ZCCHC7: variants seen among roughly 807,000 people sequenced by gnomAD.
ZCCHC7 encodes zinc finger CCHC-type containing 7.
A neutral mutation model predicts 52.0 loss-of-function variants in ZCCHC7; 35 were observed. The observed-to-expected ratio is 0.67, with a 90% CI of 0.51 to 0.89. The LOEUF is 0.89. ZCCHC7 is among the 40% of genes least tolerant of loss of function. The probability of loss-of-function intolerance (pLI) is 0.00; values close to 1 mark genes in which losing one functional copy is unlikely to be tolerated. For synonymous variants in ZCCHC7, 217 were observed against 221.5 expected (o/e 0.98, Z 0.18); for missense variants, 574 against 649.1 (o/e 0.88, Z 1.26).
intron 8 of ZCCHC7, among the ~76,000 whole-genome samples, chr9:37,356,099 TG>T (rs1471134469): frequency 6.6e-6 from 1 of 152,220 alleles, no homozygotes; most frequent in Non-Finnish European, 1.5e-5. Context: ...TATGATCCTT[TG>T]AAATTTTTAT....
intron 2 of ZCCHC7, among the ~76,000 whole-genome samples, chr9:37,207,967 A>G (rs1242995799): frequency 1.3e-5 from 2 of 152,126 alleles, no homozygotes; most frequent in African/African-American, 4.8e-5. Flanking sequence ...AGTTTTTGTT[A>G]AGTAAATTAG....
chr9:37,248,686 T>C (rs1268076178), intron 2 of ZCCHC7, among the ~76,000 whole-genome samples: 2 of 152,200 alleles, frequency 1.3e-5, no homozygotes, highest in Admixed American at 1.3e-4. Context: ...GAAGACACCA[T>C]GATGAAATTG....
At chr9:37,251,464 C>T (rs1826324539) in intron 2 of ZCCHC7, among the ~76,000 whole-genome samples, 1 of 152,152 alleles carries the variant, frequency 6.6e-6, no homozygotes, top group African/African-American at 2.4e-5. Flanking sequence ...TACCTCTCCC[C>T]TCCCCCAAAA....
intron 2 of ZCCHC7, among the ~76,000 whole-genome samples, chr9:37,167,431 A>G (rs1269969252): frequency 1.3e-5 from 2 of 151,988 alleles, no homozygotes; most frequent in East Asian, 3.9e-4. Context: ...TCTTTCTAAT[A>G]TCTTCCATGT....
chr9:37,196,703 CTG>C (rs1370964642), intron 2 of ZCCHC7, among the ~76,000 whole-genome samples: 1 of 151,940 alleles, frequency 6.6e-6, no homozygotes, highest in East Asian at 1.9e-4. Context: ...ACTTTTTGCC[CTG>C]TGTTCATTTT....
chr9:37,161,868 G>T (rs1435987209), intron 2 of ZCCHC7, among the ~76,000 whole-genome samples: 1 of 152,198 alleles, frequency 6.6e-6, no homozygotes, highest in Non-Finnish European at 1.5e-5. Context: ...TTCTTGAGCT[G>T]TAACAGGTGG....
intron 2 of ZCCHC7, among the ~76,000 whole-genome samples, chr9:37,170,962 G>A (rs774476813): frequency 2.0e-5 from 3 of 151,996 alleles, no homozygotes; most frequent in Non-Finnish European, 2.9e-5. Context: ...GAAAAACCAG[G>A]GAGTTTTTTT....
At chr9:37,331,173 A>G (rs542666331) in intron 6 of ZCCHC7, among the ~76,000 whole-genome samples, 2 of 151,590 alleles carry the variant, frequency 1.3e-5, no homozygotes, top group Non-Finnish European at 3.0e-5. Context: ...TTTATATATA[A>G]TGTTTTGAAT....
intron 2 of ZCCHC7, among the ~76,000 whole-genome samples, chr9:37,130,942 TTTACTA>T (rs1425227654): frequency 6.6e-6 from 1 of 152,202 alleles, no homozygotes; most frequent in Non-Finnish European, 1.5e-5. Context: ...ATATTTTACA[TTTACTA>T]TTACTAAATT....
At chr9:37,296,142 A>G (rs1408945160) in intron 2 of ZCCHC7, among the ~76,000 whole-genome samples, 1 of 152,246 alleles carries the variant, frequency 6.6e-6, no homozygotes, top group Non-Finnish European at 1.5e-5. Flanking sequence ...AAAGATATTC[A>G]AAGTTTGCAA....
intron 2 of ZCCHC7, among the ~76,000 whole-genome samples, chr9:37,230,006 A>C (rs1437593758): frequency 6.6e-6 from 1 of 152,196 alleles, no homozygotes; most frequent in Admixed American, 6.5e-5. Context: ...TAATAGGATC[A>C]GGATCGTTAA....
chr9:37,292,424 A>G (rs1828584264), intron 2 of ZCCHC7, among the ~76,000 whole-genome samples: 2 of 152,226 alleles, frequency 1.3e-5, no homozygotes, highest in African/African-American at 2.4e-5. Context: ...CTAAACTGCT[A>G]TTAAATTCAG....
chr9:37,224,203 CT>C (rs1396403818), intron 2 of ZCCHC7, among the ~76,000 whole-genome samples: 1 of 152,092 alleles, frequency 6.6e-6, no homozygotes, highest in Non-Finnish European at 1.5e-5. Context: ...TCAGGTTAAA[CT>C]TACAAAATCA....
At chr9:37,247,432 G>A (rs898295700) in intron 2 of ZCCHC7, among the ~76,000 whole-genome samples, 2 of 152,148 alleles carry the variant, frequency 1.3e-5, no homozygotes, top group Non-Finnish European at 2.9e-5. Context: ...AGTGTTCTTA[G>A]ACAGGAATTA....
rs1339993447 is a variant in ZCCHC7, at chr9:37,305,446, A to G, written c.781-98A>G. ...GGATTCTACCTTTATTGGGATCTCA[A>G]ATTAGAAAAGATTTTTTTATGGGAT... On this transcript the variant is annotated intron_variant, in intron 4 of 8. Coordinates refer to ENST00000336755, the MANE Select transcript of ZCCHC7 (RefSeq NM_032226.3). 7.6e-6 allele frequency: 11 copies of G among 1,442,628 alleles called. No homozygotes were observed. The Admixed American group carries it at 1.4e-4, about 18-fold the overall frequency. The allele number at this position is 1,442,628 out of a possible 1,614,324, so 89.4% of individuals were successfully genotyped here.
intron 1 of ZCCHC7, among the ~76,000 whole-genome samples, chr9:37,125,162 A>G (rs1842489962): frequency 6.7e-6 from 1 of 149,688 alleles, no homozygotes; most frequent in South Asian, 2.1e-4. Context: ...CCCTTGTTTT[A>G]TTTTTGAGTT....
chr9:37,211,094 A>G (rs774628909), intron 2 of ZCCHC7, among the ~76,000 whole-genome samples: 3 of 152,212 alleles, frequency 2.0e-5, no homozygotes, highest in Non-Finnish European at 4.4e-5. Flanking sequence ...TGACAGTTTT[A>G]AACATTTTAT....
chr9:37,294,878 G>A (rs1828711444), intron 2 of ZCCHC7, among the ~76,000 whole-genome samples: 1 of 152,126 alleles, frequency 6.6e-6, no homozygotes, highest in Non-Finnish European at 1.5e-5. Context: ...GAGTTTAAAA[G>A]TGCCCAGGAT....
intron 2 of ZCCHC7, among the ~76,000 whole-genome samples, chr9:37,253,901 A>G (rs568476776): frequency 6.6e-6 from 1 of 152,146 alleles, no homozygotes; most frequent in South Asian, 2.1e-4. Flanking sequence ...ATTATTATAT[A>G]TGCACTTATA....
Sources: allele counts gnomAD v4.1 joint callset (sites outside exome capture counted in the v4.1 genomes callset), GRCh38; gene constraint gnomAD v4.1.1; transcripts MANE v1.5; gene names NCBI Gene and HGNC (gene_info 2026-07-23, HGNC 2026-07-21).